FAM227B: variants seen among roughly 807,000 people sequenced by gnomAD.
FAM227B encodes family with sequence similarity 227 member B, also known as protein FAM227B.
A neutral mutation model predicts 73.8 loss-of-function variants in FAM227B; 88 were observed. That is an observed-to-expected ratio of 1.19 (90% confidence interval 1.00 to 1.42). The LOEUF is 1.42. Among genes scored for constraint, FAM227B ranks in the 40% most tolerant of loss-of-function variants. The pLI is 0.00. For synonymous variants in FAM227B, 210 were observed against 190.5 expected (o/e 1.10, Z -0.84); for missense variants, 632 against 590.9 (o/e 1.07, Z -0.72).
intron 11 of FAM227B, among the ~76,000 whole-genome samples, chr15:49,443,740 A>G (rs536257089): frequency 4.6e-5 from 7 of 151,914 alleles, no homozygotes; most frequent in African/African-American, 1.7e-4. Context: ...TATTATTGTC[A>G]GAACTATAGT....
Position 49,328,603 on chromosome 15 carries a change from TTGA to T in FAM227B, c.1489_1491del (p.Ser497del), listed in dbSNP as rs758836221. The T allele has an allele frequency of 1.9e-6, 3 of 1,594,720 alleles. No homozygotes were observed. Among genetic ancestry groups the T allele is most frequent in the Non-Finnish European group, 2.6e-6 (3 of 1,167,428 alleles). On this transcript the variant is annotated inframe_deletion, in exon 16 of 16. Coordinates refer to ENST00000299338, the MANE Select transcript of FAM227B (RefSeq NM_152647.3). ...TCTTCCTCAAAGTTGTAGTTGTCTG[TTGA>T]TGATGGTGATGATGATGATGATGAC...
At chr15:49,349,678 T>A (rs1364971438) in intron 13 of FAM227B, among the ~76,000 whole-genome samples, 1 of 152,146 alleles carries the variant, frequency 6.6e-6, no homozygotes, top group East Asian at 1.9e-4. Context: ...ATATTCTAAC[T>A]GTAAAAAGGC....
chr15:49,429,236 A>G (rs2050385188), intron 11 of FAM227B, among the ~76,000 whole-genome samples: 1 of 152,032 alleles, frequency 6.6e-6, no homozygotes, highest in Admixed American at 6.6e-5. Context: ...TAGACAAGGT[A>G]GAATCTTGTA....
intron 11 of FAM227B, among the ~76,000 whole-genome samples, chr15:49,507,736 A>T (rs60216777): frequency 6.6e-6 from 1 of 151,806 alleles, no homozygotes; most frequent in Non-Finnish European, 1.5e-5. Flanking sequence ...GGAAAAAAAA[A>T]ACCCATCATA....
intron 11 of FAM227B, among the ~76,000 whole-genome samples, chr15:49,481,518 T>TAC (rs1398880133): frequency 6.6e-6 from 1 of 152,210 alleles, no homozygotes; most frequent in Admixed American, 6.5e-5. Flanking sequence ...TGTTGAACGT[T>TAC]ACATGAATGC....
intron 3 of FAM227B, among the ~76,000 whole-genome samples, chr15:49,607,052 T>C (rs1373888234): frequency 2.0e-5 from 3 of 152,200 alleles, no homozygotes; most frequent in Admixed American, 6.5e-5. Flanking sequence ...GGCCTTAGCT[T>C]AAGGGGAAGA....
chr15:49,350,928 G>C (rs929431056), intron 13 of FAM227B, among the ~76,000 whole-genome samples: 8 of 152,170 alleles, frequency 5.3e-5, no homozygotes, highest in African/African-American at 1.9e-4. Context: ...TTCCCCGTGT[G>C]CATCACATTC....
chr15:49,377,911 G>A (rs2046274968), intron 11 of FAM227B, among the ~76,000 whole-genome samples: 1 of 152,038 alleles, frequency 6.6e-6, no homozygotes, highest in Non-Finnish European at 1.5e-5. Context: ...TGTTTGTGGG[G>A]TGTTGCTCAA....
At chr15:49,372,865 A>T (rs981612) in intron 11 of FAM227B, among the ~76,000 whole-genome samples, 1 of 151,832 alleles carries the variant, frequency 6.6e-6, no homozygotes, top group Non-Finnish European at 1.5e-5. Context: ...GACATTAGAC[A>T]TTAGGAAATA....
At chr15:49,500,409 C>T (rs1163571407) in intron 11 of FAM227B, among the ~76,000 whole-genome samples, 1 of 152,222 alleles carries the variant, frequency 6.6e-6, no homozygotes, top group Non-Finnish European at 1.5e-5. Flanking sequence ...TGGTGCCCAT[C>T]CTTTGCACCA....
chr15:49,580,164 T>C (rs2075722608), intron 5 of FAM227B, among the ~76,000 whole-genome samples: 4 of 152,236 alleles, frequency 2.6e-5, no homozygotes, highest in Non-Finnish European at 4.4e-5. Flanking sequence ...ATTAAAACTT[T>C]TGTTAGTATA....
intron 9 of FAM227B, among the ~76,000 whole-genome samples, chr15:49,550,818 G>A (rs2072871138): frequency 6.6e-6 from 1 of 150,444 alleles, no homozygotes; most frequent in African/African-American, 2.4e-5. Flanking sequence ...AGGCAGAGGG[G>A]CTCCTCACGT....
At chr15:49,375,525 A>G (rs2046104645) in intron 11 of FAM227B, among the ~76,000 whole-genome samples, 1 of 152,134 alleles carries the variant, frequency 6.6e-6, no homozygotes, top group African/African-American at 2.4e-5. Flanking sequence ...TAAGAACCAA[A>G]GTGACAAGTA....
At chr15:49,407,327 G>A (rs113678137) in intron 11 of FAM227B, among the ~76,000 whole-genome samples, 12 of 152,216 alleles carry the variant, frequency 7.9e-5, no homozygotes, top group African/African-American at 2.6e-4. Flanking sequence ...TCCTTGAGTC[G>A]CTGGGAACCA....
At chr15:49,445,148 A>T (rs1427306169) in intron 11 of FAM227B, among the ~76,000 whole-genome samples, 1 of 151,534 alleles carries the variant, frequency 6.6e-6, no homozygotes, top group Non-Finnish European at 1.5e-5. Context: ...AGATTCAGGG[A>T]GTACATGTGT....
At chr15:49,524,048 C>A (rs182658643) in intron 10 of FAM227B, among the ~76,000 whole-genome samples, 1 of 152,132 alleles carries the variant, frequency 6.6e-6, no homozygotes, top group Non-Finnish European at 1.5e-5. Context: ...CCTGATTATG[C>A]GACAGAAACG....
rs1567083625 is a variant in FAM227B at position 49,331,517 on chromosome 15, T to G, written c.1419+263A>C. On this transcript the variant is annotated intron_variant, in intron 15 of 15. Transcript: ENST00000299338. ...AACATCAGTGATTATTAGTTTGTAA[T>G]TCTAACTGCATTTGGAGCTTTTCAG... is the stretch of plus-strand genomic sequence containing the variant. 5 of 397,688 alleles carry G rather than the reference T, an allele frequency of 1.3e-5. No homozygotes were observed. The East Asian group carries it at 2.2e-4, about 17-fold the overall frequency. The allele number at this position is 397,688 out of a possible 1,614,324, so 24.6% of individuals were successfully genotyped here.
chr15:49,529,492 A>T (rs948526927), intron 10 of FAM227B, among the ~76,000 whole-genome samples: 1 of 151,744 alleles, frequency 6.6e-6, no homozygotes, highest in African/African-American at 2.4e-5. Context: ...TCTAAAAATA[A>T]ACATACACAC....
At chr15:49,512,059 T>G (rs981443825) in intron 10 of FAM227B, among the ~76,000 whole-genome samples, 1 of 152,110 alleles carries the variant, frequency 6.6e-6, no homozygotes, top group African/African-American at 2.4e-5. Context: ...CTTTTTATTA[T>G]TATTATACTC....
Sources: allele counts gnomAD v4.1 joint callset (sites outside exome capture counted in the v4.1 genomes callset), GRCh38; gene constraint gnomAD v4.1.1; transcripts MANE v1.5; gene names NCBI Gene and HGNC (gene_info 2026-07-23, HGNC 2026-07-21).